Variants in FBXL13 observed in about 807,000 individuals in gnomAD.
The protein encoded by FBXL13 is F-box and leucine rich repeat protein 13, also known as F-box and leucine-rich repeat protein 13.
A neutral mutation model predicts 83.6 loss-of-function variants in FBXL13; 67 were observed. That is an observed-to-expected ratio of 0.80 (90% CI 0.66 to 0.98). The LOEUF (loss-of-function observed/expected upper bound fraction) is 0.98. FBXL13 is among the 50% of genes least tolerant of loss of function. The probability of loss-of-function intolerance (pLI) is 0.00; values close to 1 mark genes in which losing one functional copy is unlikely to be tolerated. For missense variants in FBXL13, 822 were observed against 866.5 expected (o/e 0.95, Z 0.64); for synonymous variants, 272 against 299.5 (o/e 0.91, Z 0.95).
intron 16 of FBXL13, among the ~76,000 whole-genome samples, chr7:102,860,551 T>A (rs981602759): frequency 1.3e-5 from 2 of 152,142 alleles, no homozygotes; most frequent in East Asian, 3.9e-4. Context: ...AACAGACACA[T>A]GCACACAGAC....
At chr7:103,055,539 T>G in intron 2 of FBXL13, 105 bp downstream of exon 2, 4 of 425,250 alleles carry the variant, frequency 9.4e-6, no homozygotes, top group Non-Finnish European at 1.2e-5. Flanking sequence ...TTAACAATCT[T>G]GAGATTGGAA....
chr7:102,819,606 T>G (rs1798523712), intron 19 of FBXL13, among the ~76,000 whole-genome samples: 1 of 152,198 alleles, frequency 6.6e-6, no homozygotes, highest in African/African-American at 2.4e-5. Context: ...GGCTGCATCA[T>G]ACATTGTTTT....
At chr7:103,021,939 A>T (rs1216048323) in intron 6 of FBXL13, among the ~76,000 whole-genome samples, 1 of 152,218 alleles carries the variant, frequency 6.6e-6, no homozygotes, top group South Asian at 2.1e-4. Context: ...TCAAGGATCT[A>T]GAACTAGAAT....
intron 19 of FBXL13, among the ~76,000 whole-genome samples, chr7:102,818,578 T>G (rs530251755): frequency 6.6e-6 from 1 of 152,288 alleles, no homozygotes; most frequent in South Asian, 2.1e-4. Context: ...TTTTATTTTT[T>G]ATCAACACAG....
Position 102,888,748 on chromosome 7 carries a change from T to G in FBXL13, c.1009-4436A>C, listed in dbSNP as rs1811128357. On this transcript the variant is annotated intron_variant, in intron 11 of 19. Transcript: ENST00000313221. ...GTTTTTGTTTTTTTTTGTACTGCTA[T>G]GAATTCTTGAGTAAACTTTTTATAA... 5.3e-5 allele frequency among the ~76,000 whole-genome samples: 8 copies of G among 152,240 alleles called. 1 individual carries two copies. In the Middle Eastern group the frequency reaches 0.02, roughly 388 times the overall value.
chr7:102,870,916 TA>T (rs1382445613), intron 16 of FBXL13, among the ~76,000 whole-genome samples: 2 of 152,204 alleles, frequency 1.3e-5, no homozygotes, highest in African/African-American at 2.4e-5. Flanking sequence ...ACCCTTTCTC[TA>T]AAAAAATTTT....
chr7:102,926,119 A>C lies in FBXL13; in HGVS notation c.878+155T>G, dbSNP rs375794273. Among the ~76,000 whole-genome samples, 676 of 152,324 alleles carry C rather than the reference A, an allele frequency of 4.4e-3. 6 individuals carry two copies. Among genetic ancestry groups the C allele is most frequent in the African/African-American group, 0.016 (648 of 41,578 alleles). ...GGCAGACCAGTTCAGGCACCAGCTT[A>C]GGGACTTGAAAGCAGCAGACCCCTT... On this transcript the variant is annotated intron_variant, in intron 10 of 19. Coordinates refer to ENST00000313221, the Ensembl canonical transcript of FBXL13.
At chr7:102,821,920 A>G (rs1030911962) in intron 19 of FBXL13, 120 bp downstream of exon 20, 6 of 1,148,622 alleles carry the variant, frequency 5.2e-6, no homozygotes, top group Non-Finnish European at 6.1e-6. Flanking sequence ...GGCAAAAAAT[A>G]AAATGAAATG....
intron 6 of FBXL13, among the ~76,000 whole-genome samples, chr7:102,983,073 C>T (rs1045523236): frequency 6.6e-6 from 1 of 152,026 alleles, no homozygotes; most frequent in Admixed American, 6.5e-5. Context: ...CACATTTTGT[C>T]CCACACCTTC....
intron 17 of FBXL13, among the ~76,000 whole-genome samples, chr7:102,853,744 T>C (rs1156501212): frequency 6.6e-6 from 1 of 152,184 alleles, no homozygotes. Context: ...AGAAGACATT[T>C]CTGCAGCCAA....
intron 17 of FBXL13, among the ~76,000 whole-genome samples, chr7:102,848,246 G>C (rs1349555463): frequency 2.0e-5 from 3 of 152,098 alleles, no homozygotes; most frequent in Non-Finnish European, 4.4e-5. Context: ...TTCATTTAGA[G>C]ATAATCTGCA....
At chr7:103,008,024 A>C (rs1257481853) in intron 6 of FBXL13, among the ~76,000 whole-genome samples, 1 of 152,206 alleles carries the variant, frequency 6.6e-6, no homozygotes, top group Non-Finnish European at 1.5e-5. Flanking sequence ...ATTGGAGCCC[A>C]AGGCTGGTGA....
At chr7:102,978,265 G>A (rs1005295591) in intron 6 of FBXL13, 4 of 152,162 alleles carry the variant, frequency 2.6e-5, no homozygotes, top group Admixed American at 2.0e-4. Context: ...CATGCCTAAA[G>A]TAGTTATTGA....
chr7:102,933,386 C>T (rs1489731167), intron 8 of FBXL13: 5 of 152,138 alleles, frequency 3.3e-5, no homozygotes, highest in African/African-American at 1.2e-4. Context: ...TTCTTAAATC[C>T]GATGTGATGG....
At chr7:102,921,378 G>GT (rs1369777547) in intron 10 of FBXL13, among the ~76,000 whole-genome samples, 7 of 152,112 alleles carry the variant, frequency 4.6e-5, no homozygotes, top group African/African-American at 1.7e-4. Context: ...CAGAAATTTT[G>GT]TTCTCTATAA....
intron 18 of FBXL13, among the ~76,000 whole-genome samples, chr7:102,831,527 T>A (rs567718023): frequency 1.3e-5 from 2 of 151,958 alleles, no homozygotes; most frequent in South Asian, 4.2e-4. Flanking sequence ...CTGTTTGGGG[T>A]GGGGAGAGAC....
At chr7:103,056,599 A>T (rs1208387890) in intron 1 of FBXL13, among the ~76,000 whole-genome samples, 3 of 151,970 alleles carry the variant, frequency 2.0e-5, no homozygotes, top group Admixed American at 1.3e-4. Flanking sequence ...GTTGGGATTA[A>T]GGCATCCACC....
At chr7:102,977,763 C>G (rs952959101) in intron 6 of FBXL13, among the ~76,000 whole-genome samples, 1 of 152,122 alleles carries the variant, frequency 6.6e-6, no homozygotes, top group African/African-American at 2.4e-5. Flanking sequence ...GAATACTATG[C>G]AGCCATAAAA....
intron 11 of FBXL13, among the ~76,000 whole-genome samples, chr7:102,911,551 T>G (rs921431445): frequency 1.3e-5 from 2 of 152,222 alleles, no homozygotes; most frequent in African/African-American, 2.4e-5. Flanking sequence ...CCACAGGAAC[T>G]GAGAGATATC....
Sources: allele counts gnomAD v4.1 joint callset (sites outside exome capture counted in the v4.1 genomes callset), GRCh38; gene constraint gnomAD v4.1.1; transcripts MANE v1.5; gene names NCBI Gene and HGNC (gene_info 2026-07-23, HGNC 2026-07-21).